PCDHA13: variants seen among roughly 807,000 people sequenced by gnomAD.
PCDHA13 encodes protocadherin alpha-13.
Under a neutral mutation model 64.8 loss-of-function variants are expected in PCDHA13, and 54 were observed. The observed-to-expected ratio is 0.83, with a 90% CI of 0.67 to 1.04. PCDHA13 has a LOEUF of 1.04. Ranked by LOEUF, PCDHA13 falls within the 50% of genes least tolerant of loss-of-function variation. PCDHA13 has a pLI of 0.00. For synonymous variants in PCDHA13, 587 were observed against 564.4 expected, an observed-to-expected ratio of 1.04 and a Z score of -0.57; for missense variants, 1,248 against 1,254.3, an observed-to-expected ratio of 0.99 and a Z score of 0.08.
chr5:140,918,502 C>A (rs1480204800), intron 1 of PCDHA13, among the ~76,000 whole-genome samples: 1 of 152,040 alleles, frequency 6.6e-6, no homozygotes, highest in Non-Finnish European at 1.5e-5. Context: ...TGGTACCAAT[C>A]CTTTTAAACT....
chr5:140,999,568 G>A (rs1554256885), intron 3 of PCDHA13, among the ~76,000 whole-genome samples: 1 of 152,084 alleles, frequency 6.6e-6, no homozygotes, highest in Non-Finnish European at 1.5e-5. Context: ...TTTGAGAAGA[G>A]ACTATAAAGG....
chr5:140,895,523 C>T (rs2065044928), intron 1 of PCDHA13, among the ~76,000 whole-genome samples: 1 of 152,068 alleles, frequency 6.6e-6, no homozygotes, highest in South Asian at 2.1e-4. Flanking sequence ...TTGGTTTATT[C>T]GTTTTTCAAT....
At chr5:140,998,722 G>A (rs572133347) in intron 3 of PCDHA13, among the ~76,000 whole-genome samples, 4 of 152,002 alleles carry the variant, frequency 2.6e-5, no homozygotes, top group Non-Finnish European at 4.4e-5. Flanking sequence ...GCACCACCAC[G>A]CTAGGCTAAT....
At chr5:140,994,163 G>A (rs2097601451) in intron 3 of PCDHA13, among the ~76,000 whole-genome samples, 1 of 152,200 alleles carries the variant, frequency 6.6e-6, no homozygotes, top group African/African-American at 2.4e-5. Flanking sequence ...CAACGAAGGG[G>A]AAGGAAGCTG....
intron 1 of PCDHA13, among the ~76,000 whole-genome samples, chr5:140,912,269 A>T (rs1463580948): frequency 6.6e-6 from 1 of 151,984 alleles, no homozygotes; most frequent in African/African-American, 2.4e-5. Context: ...ACCCTCACAG[A>T]TATACCCAGG....
At chr5:140,964,802 GA>G (rs1187447949) in intron 1 of PCDHA13, among the ~76,000 whole-genome samples, 2 of 151,946 alleles carry the variant, frequency 1.3e-5, no homozygotes, top group African/African-American at 4.8e-5. Context: ...CCCAAGAAAG[GA>G]GACAGGAATA....
At chr5:140,918,823 C>T (rs2078875594) in intron 1 of PCDHA13, among the ~76,000 whole-genome samples, 2 of 11,382 alleles carry the variant, frequency 1.8e-4, no homozygotes, top group African/African-American at 5.2e-3. Context: ...AAAAAGTGGC[C>T]CCCTCCCCAG....
Position 140,883,768 on chromosome 5 carries a change from C to T in PCDHA13, c.1500C>T (p.Gly500=). 1 of 1,612,160 alleles carries T rather than the reference C, an allele frequency of 6.2e-7. No homozygotes were observed. Among genetic ancestry groups the T allele is most frequent in the Non-Finnish European group, 8.5e-7 (1 of 1,179,660 alleles). The change falls in exon 1 of 4, where the codon GGC becomes GGT. Residue 500 remains glycine, a synonymous_variant. Transcript: ENST00000289272. ...VSYSLVERRV[G]ERALSSYVSV... is the part of the protein sequence containing the mutation. ...ACTCGCTGGTGGAGCGGCGGGTGGG[C>T]GAGCGTGCGCTGTCGAGCTACGTGT... is the stretch of plus-strand genomic sequence containing the variant.
rs782226531 is a variant in PCDHA13, at chr5:140,928,688, A to G, written c.2394+44026A>G. 6 of 1,614,004 alleles carry G rather than the reference A, an allele frequency of 3.7e-6. No homozygotes were observed. The African/African-American group carries it at 4.0e-5, about 11-fold the overall frequency. The stretch of plus-strand genomic sequence containing the variant: ...GGTTCTAATGCCTGGCTTTCCTACC[A>G]CATCTCCCGGGCGTCTGACTCTAGT... On this transcript the variant is annotated intron_variant, in intron 1 of 3. Transcript: ENST00000289272.
intron 3 of PCDHA13, among the ~76,000 whole-genome samples, chr5:141,007,087 A>G (rs1554261040): frequency 6.6e-6 from 1 of 152,112 alleles, no homozygotes; most frequent in African/African-American, 2.4e-5. Context: ...AATAGAGAAG[A>G]GAGTCTAGGG....
intron 1 of PCDHA13, among the ~76,000 whole-genome samples, chr5:140,940,974 A>G (rs1206597858): frequency 6.6e-6 from 1 of 152,220 alleles, no homozygotes; most frequent in Non-Finnish European, 1.5e-5. Flanking sequence ...GATATCTGGT[A>G]TCTAGTTACA....
rs374040153 is a variant in PCDHA13, at chr5:140,882,431, G to A, written c.163G>A (p.Glu55Lys). 2 of 1,614,044 alleles carry A rather than the reference G, an allele frequency of 1.2e-6. No homozygotes were observed. The highest frequency in any genetic ancestry group is 8.5e-7 in the Non-Finnish European group (1 of 1,180,042). Reference protein sequence around the residue: ...VGRIAQDLGLELAELVPRLFR... With the variant: ...VGRIAQDLGLKLAELVPRLFR... ...CCGCATCGCTCAGGACCTGGGGCTG[G>A]AGCTGGCGGAGCTGGTGCCGCGCCT... is the stretch of plus-strand genomic sequence containing the variant. Residue 55 changes from glutamate to lysine, a missense_variant, in exon 1 of 4, where the codon GAG (glutamate) becomes AAG (lysine). Glu to Lys is a moderately conservative substitution (Grantham distance 56). Coordinates refer to ENST00000289272, the MANE Select transcript of PCDHA13 (RefSeq NM_018904.3).
intron 1 of PCDHA13, among the ~76,000 whole-genome samples, chr5:140,954,765 C>T (rs1305270750): frequency 6.6e-6 from 1 of 152,064 alleles, no homozygotes; most frequent in Non-Finnish European, 1.5e-5. Context: ...TGCAGAAGCT[C>T]TTTAATTTAA....
chr5:140,902,197 C>T (rs868992860), intron 1 of PCDHA13, among the ~76,000 whole-genome samples: 1 of 143,684 alleles, frequency 7.0e-6, no homozygotes, highest in African/African-American at 2.6e-5. Context: ...CTCTCTCTCT[C>T]TCTTTCTTTT....
At chr5:140,928,669 A>C in intron 1 of PCDHA13, 1 of 1,614,160 alleles carries the variant, frequency 6.2e-7, no homozygotes, top group Non-Finnish European at 8.5e-7. Flanking sequence ...CAGTGGTTCT[A>C]ATGCCTGGCT....
chr5:140,969,704 T>A (rs1317094729), intron 1 of PCDHA13, among the ~76,000 whole-genome samples: 2 of 152,172 alleles, frequency 1.3e-5, no homozygotes, highest in African/African-American at 4.8e-5. Context: ...TGCTGTATCA[T>A]CTACAGGGAA....
intron 1 of PCDHA13, among the ~76,000 whole-genome samples, chr5:140,959,785 C>T (rs976645506): frequency 3.5e-4 from 53 of 152,280 alleles, no homozygotes; most frequent in African/African-American, 1.2e-3. Context: ...TGTATATTAA[C>T]ATGGCTAATT....
chr5:140,911,147 C>T (rs978714342), intron 1 of PCDHA13, among the ~76,000 whole-genome samples: 6 of 152,218 alleles, frequency 3.9e-5, no homozygotes, highest in Non-Finnish European at 8.8e-5. Context: ...GGTTTTTCTC[C>T]TCAGACAAAT....
intron 1 of PCDHA13, chr5:140,929,206 C>T (rs1554206828): frequency 2.5e-6 from 4 of 1,614,018 alleles, no homozygotes; most frequent in Non-Finnish European, 1.7e-6. Flanking sequence ...TTTGCTGTTG[C>T]GTGGGGAGTA....
Sources: allele counts gnomAD v4.1 joint callset (sites outside exome capture counted in the v4.1 genomes callset), GRCh38; gene constraint gnomAD v4.1.1; transcripts MANE v1.5; gene names NCBI Gene and HGNC (gene_info 2026-07-23, HGNC 2026-07-21).